TSPAN3: variants seen among roughly 807,000 people sequenced by gnomAD.
The protein encoded by TSPAN3 is tetraspanin 3.
In TSPAN3, 9 loss-of-function variants were observed where a neutral mutation model predicts 31.1. The ratio of observed to expected loss-of-function variants is 0.29; its 90% CI spans 0.17 to 0.50. The LOEUF (loss-of-function observed/expected upper bound fraction) is 0.50. Among genes scored for constraint, TSPAN3 ranks in the 20% least tolerant of loss-of-function variants. TSPAN3 has a pLI of 0.98. For missense variants in TSPAN3, 252 were observed against 313.5 expected (o/e 0.80, Z 1.48); for synonymous variants, 129 against 114.3 (o/e 1.13, Z -0.82).
chr15:77,042,521 T>C lies in TSPAN3; in HGVS notation c.*4314A>G, dbSNP rs781177887. 2.0e-5 allele frequency: 3 copies of C among 152,040 alleles called. No homozygotes were observed. Among genetic ancestry groups the C allele is most frequent in the Non-Finnish European group, 4.4e-5 (3 of 68,026 alleles). The allele number at this position is 152,040 out of a possible 1,614,324, so 9.4% of individuals were successfully genotyped here. A position where few individuals can be genotyped will look rare whatever the true frequency, so the allele number is the denominator to read the frequency against. On this transcript the variant is annotated 3_prime_UTR_variant, in exon 7 of 7. Coordinates refer to ENST00000267970, the MANE Select transcript of TSPAN3 (RefSeq NM_005724.6). ...GGATATAGGAGGCACTCGAAGGGGC[T>C]CTCGCTGGCCAAGTCGGGAACTATC...
rs187062948 is a variant in TSPAN3, at chr15:77,057,210, C to G, written c.64-955G>C. On this transcript the variant is annotated intron_variant, in intron 1 of 6. Transcript: ENST00000267970. ...TGCCACTGGCTCATATACAAACAAG[C>G]AAATGCAGTGTCAGAGTAAGTGTTA... Among the ~76,000 whole-genome samples, 326 of 152,320 alleles carry G rather than the reference C, an allele frequency of 2.1e-3. 1 individual carries two copies. The highest frequency in any genetic ancestry group is 3.2e-3 in the Non-Finnish European group (219 of 68,028).
chr15:77,053,518 A>T (rs1406182803), intron 4 of TSPAN3, among the ~76,000 whole-genome samples: 2 of 144,216 alleles, frequency 1.4e-5, no homozygotes, highest in African/African-American at 5.1e-5. Flanking sequence ...CATTGCCTAT[A>T]AGCGGTAGTT....
chr15:77,050,177 AATCT>A (rs2076721411), intron 6 of TSPAN3, among the ~76,000 whole-genome samples: 2 of 152,234 alleles, frequency 1.3e-5, no homozygotes, highest in Admixed American at 1.3e-4. Context: ...CCAGGGCACC[AATCT>A]ATCAGATTTT....
intron 1 of TSPAN3, among the ~76,000 whole-genome samples, chr15:77,070,582 C>G (rs1372926707): frequency 6.7e-6 from 1 of 149,146 alleles, no homozygotes; most frequent in Non-Finnish European, 1.5e-5. Context: ...CCGGCGACTC[C>G]GGGGGGGGGA....
In TSPAN3 at chr15:77,052,418, C is replaced by A. The variant is rs766113453; in HGVS notation, c.636G>T (p.Val212=). ...VKKLQEIMMH[V]IWAALAFAAI... ...CTGCAAATGCCAGTGCGGCCCAGAT[C>A]ACATGCATCATGATTTCTTGTAGCT... is the stretch of plus-strand genomic sequence containing the variant. Residue 212 remains valine (V), a synonymous_variant, in exon 6 of 7, where the codon GTG becomes GTT. Transcript: ENST00000267970. 3 of 1,614,230 alleles carry A rather than the reference C, an allele frequency of 1.9e-6. No homozygotes were observed. Among genetic ancestry groups the A allele is most frequent in the Non-Finnish European group, 2.5e-6 (3 of 1,180,036 alleles).
rs998708785 is a variant in TSPAN3 at position 77,050,002 on chromosome 15, A to G, written c.669+2383T>C. On this transcript the variant is annotated intron_variant, in intron 6 of 6. Transcript: ENST00000267970. Reference sequence around the variant, plus strand: ...ACACTCTGTGTGATGGTCATGCCACACTATCCTTGCTCACCCAAAATTTTG... The same window carrying G: ...ACACTCTGTGTGATGGTCATGCCACGCTATCCTTGCTCACCCAAAATTTTG... Among the ~76,000 whole-genome samples, 13 of 152,214 alleles carry G rather than the reference A, an allele frequency of 8.5e-5. 1 individual carries two copies. Among genetic ancestry groups the G allele is most frequent in the African/African-American group, 3.1e-4 (13 of 41,460 alleles).
rs201672094 is a variant in TSPAN3 at position 77,047,504 on chromosome 15, C to CA, written c.670-578dup. Among the ~76,000 whole-genome samples the CA allele has an allele frequency of 9.9e-3, 1,499 of 151,448 alleles. 10 individuals carry two copies. Among genetic ancestry groups the CA allele is most frequent in the Non-Finnish European group, 0.013 (899 of 67,786 alleles). ...TATGGTAGAAAACAAATTCTGATGC[C>CA]AAAAAAAATGTAGTTGGAAGGTTTT... On this transcript the variant is annotated intron_variant, in intron 6 of 6. Transcript: ENST00000267970.
intron 1 of TSPAN3, among the ~76,000 whole-genome samples, chr15:77,066,717 C>T (rs1194068902): frequency 2.0e-5 from 3 of 151,816 alleles, no homozygotes; most frequent in Admixed American, 2.0e-4. Context: ...AAACAGAGAT[C>T]CAAGATGATC....
rs138088250 is a variant in TSPAN3, at chr15:77,044,994, C to T, written c.*1841G>A. On this transcript the variant is annotated 3_prime_UTR_variant, in exon 7 of 7. Coordinates refer to ENST00000267970, the MANE Select transcript of TSPAN3 (RefSeq NM_005724.6). The stretch of plus-strand genomic sequence containing the variant: ...TCTGAAATCACATTCTGGTAACTTC[C>T]ACTTTGTGAAAAGGAGTTAGTTTTT... The T allele has an allele frequency of 3.5e-4, 53 of 152,262 alleles. 1 individual carries two copies. In the East Asian group the frequency reaches 9.8e-3, roughly 28 times the overall value. The allele number at this position is 152,262 out of a possible 1,614,324, so 9.4% of individuals were successfully genotyped here.
chr15:77,046,660 A>G lies in TSPAN3; in HGVS notation c.*175T>C. On this transcript the variant is annotated 3_prime_UTR_variant, in exon 7 of 7. Coordinates refer to ENST00000267970, the MANE Select transcript of TSPAN3 (RefSeq NM_005724.6). ...GAAGAGTCAGCTAGAACAAGGAAAA[A>G]GAAAGTCGCAGGTAGTAGGTAAGTA... 1 of 566,428 alleles carries G rather than the reference A, an allele frequency of 1.8e-6. No homozygotes were observed. The highest frequency in any genetic ancestry group is 3.1e-6 in the Non-Finnish European group (1 of 319,778). 35.1% of individuals were successfully genotyped at this position (566,428 alleles called of 1,614,324 possible).
intron 1 of TSPAN3, chr15:77,064,663 T>C (rs1165033824): frequency 6.6e-6 from 1 of 152,220 alleles, no homozygotes; most frequent in Non-Finnish European, 1.5e-5. Context: ...TTCATTTTCT[T>C]AACTGTTGAA....
intron 1 of TSPAN3, chr15:77,063,373 G>A (rs2076811758): frequency 6.6e-6 from 1 of 151,156 alleles, no homozygotes; most frequent in African/African-American, 2.5e-5. Context: ...CTATACTAAT[G>A]AGAAAATTCT....
At chr15:77,070,363 C>G (rs2076859728) in intron 1 of TSPAN3, among the ~76,000 whole-genome samples, 1 of 152,188 alleles carries the variant, frequency 6.6e-6, no homozygotes, top group South Asian at 2.1e-4. Flanking sequence ...ATTTTCTGGG[C>G]TGGTGACAGT....
In TSPAN3 at chr15:77,046,202, G is replaced by C. The variant is rs1596154829; in HGVS notation, c.*633C>G. The C allele has an allele frequency of 5.1e-6, 2 of 390,450 alleles. No individual in the cohort carries two copies. Among genetic ancestry groups the C allele is most frequent in the Non-Finnish European group, 9.0e-6 (2 of 221,312 alleles). 24.2% of individuals were successfully genotyped at this position (390,450 alleles called of 1,614,324 possible). ...TCACACTAATTCTTTTAAAACAGTA[G>C]TGCATACATTATACTCCTCCTATAA... On this transcript the variant is annotated 3_prime_UTR_variant, in exon 7 of 7. Transcript: ENST00000267970.
intron 4 of TSPAN3, among the ~76,000 whole-genome samples, chr15:77,053,925 G>T (rs2076750813): frequency 6.6e-6 from 1 of 152,024 alleles, no homozygotes; most frequent in Non-Finnish European, 1.5e-5. Context: ...CTTTGGCTAA[G>T]TACTTTGGGA....
chr15:77,052,517 A>G, intron 5 of TSPAN3, 49 bp from the exon 6 acceptor site: 1 of 1,566,416 alleles, frequency 6.4e-7, no homozygotes, highest in Non-Finnish European at 8.8e-7. Context: ...TAAAAGTTAA[A>G]GCTGCAGATT....
At chr15:77,052,495 A>G in intron 5 of TSPAN3, 27 bp from the exon 6 acceptor site, 2 of 1,603,394 alleles carry the variant, frequency 1.2e-6, no homozygotes, top group Non-Finnish European at 1.7e-6. Flanking sequence ...CATCCTCGTT[A>G]GAAGTGTTCT....
chr15:77,068,904 G>A (rs1215346108), intron 1 of TSPAN3, among the ~76,000 whole-genome samples: 1 of 152,088 alleles, frequency 6.6e-6, no homozygotes, highest in African/African-American at 2.4e-5. Context: ...CATTTGGGTT[G>A]GTTCCATGTT....
intron 1 of TSPAN3, chr15:77,070,122 G>A (rs1037204822): frequency 2.0e-5 from 3 of 152,132 alleles, no homozygotes; most frequent in Admixed American, 2.0e-4. Flanking sequence ...ATGAGATAAG[G>A]ACCCAAACTA....
Sources: gnomAD v4.1 joint callset for allele counts (sites outside exome capture counted in the v4.1 genomes callset) on GRCh38, gnomAD v4.1.1 for gene constraint, MANE v1.5 for transcripts, NCBI Gene and HGNC (gene_info 2026-07-23, HGNC 2026-07-21) for gene names.